CCDC62: variants seen among roughly 807,000 people sequenced by gnomAD.
CCDC62 encodes coiled-coil domain-containing protein 62.
In CCDC62, 72 loss-of-function variants were observed where a neutral mutation model predicts 80.8. That is an observed-to-expected ratio of 0.89 (90% CI 0.74 to 1.08). The LOEUF is 1.08. CCDC62 is among the 50% of genes least tolerant of loss of function. The probability of loss-of-function intolerance (pLI) is 0.00; values close to 1 mark genes in which losing one functional copy is unlikely to be tolerated. For synonymous variants in CCDC62, 286 were observed against 296.5 expected, an observed-to-expected ratio of 0.96 and a Z score of 0.36; for missense variants, 704 against 809.4, an observed-to-expected ratio of 0.87 and a Z score of 1.58.
chr12:122,799,296 TCATC>T (rs1041631269), intron 8 of CCDC62, among the ~76,000 whole-genome samples: 3 of 152,104 alleles, frequency 2.0e-5, no homozygotes, highest in Non-Finnish European at 2.9e-5. Flanking sequence ...AATCATTCAT[TCATC>T]CATCCATCCA....
At chr12:122,814,793 C>A (rs902651481) in intron 11 of CCDC62, among the ~76,000 whole-genome samples, 18 of 151,818 alleles carry the variant, frequency 1.2e-4, no homozygotes, top group Admixed American at 4.6e-4. Flanking sequence ...CAAGCATGAG[C>A]CACCCTGCCC....
chr12:122,813,952 C>T (rs1418157726), intron 11 of CCDC62, among the ~76,000 whole-genome samples: 2 of 151,866 alleles, frequency 1.3e-5, no homozygotes, highest in African/African-American at 4.8e-5. Context: ...CCACCACGGC[C>T]AGCTGGAAAT....
At chr12:122,777,455 A>T (rs377463901) in intron 1 of CCDC62, 36 bp from the exon 2 acceptor site, 1 of 1,552,358 alleles carries the variant, frequency 6.4e-7, no homozygotes, top group African/African-American at 1.4e-5. Flanking sequence ...TATTGATTTC[A>T]TTCTATTTTG....
At chr12:122,802,604 G>A (rs2031376214) in intron 9 of CCDC62, among the ~76,000 whole-genome samples, 1 of 151,822 alleles carries the variant, frequency 6.6e-6, no homozygotes, top group Admixed American at 6.6e-5. Context: ...TGTAAAGATG[G>A]GGTCTCACCA....
intron 1 of CCDC62, 23 bp from the exon 2 acceptor site, chr12:122,777,468 G>A (rs747938979): frequency 1.9e-6 from 3 of 1,581,700 alleles, no homozygotes; most frequent in East Asian, 4.5e-5. Context: ...CTATTTTGAT[G>A]TGAAACCGCT....
intron 2 of CCDC62, 66 bp downstream of exon 2, chr12:122,777,749 G>A: frequency 6.9e-7 from 1 of 1,445,546 alleles, no homozygotes; most frequent in Non-Finnish European, 9.6e-7. Flanking sequence ...TGGGCTCATA[G>A]GGAAGATAGA....
intron 11 of CCDC62, among the ~76,000 whole-genome samples, chr12:122,818,464 A>G (rs2032261286): frequency 6.6e-6 from 1 of 150,658 alleles, no homozygotes; most frequent in Admixed American, 6.6e-5. Flanking sequence ...AAAAAAAAAA[A>G]AAAAAAAAAA....
At chr12:122,813,480 G>A in intron 11 of CCDC62, 61 bp downstream of exon 11, 1 of 1,493,174 alleles carries the variant, frequency 6.7e-7, no homozygotes, top group African/African-American at 1.4e-5. Context: ...CTGAACACCA[G>A]TGTGCAAATA....
At position 122,792,676 on chromosome 12, in the gene CCDC62, G is replaced by T. The variant is rs556286440; in HGVS notation, c.772+555G>T. Among the ~76,000 whole-genome samples the T allele has an allele frequency of 1.2e-3, 190 of 152,052 alleles. 2 individuals carry two copies. Among genetic ancestry groups the T allele is most frequent in the African/African-American group, 4.2e-3 (175 of 41,446 alleles). On this transcript the variant is annotated intron_variant, in intron 6 of 12. Coordinates refer to ENST00000253079, the MANE Select transcript of CCDC62 (RefSeq NM_201435.5). Reference sequence around the variant, plus strand: ...TGGGATTACAGGCGCATGCTACCATGCCCGGCTAATTTTTATATTTTTAGT... The same window carrying T: ...TGGGATTACAGGCGCATGCTACCATTCCCGGCTAATTTTTATATTTTTAGT...
chr12:122,794,855 G>T (rs533555811), intron 6 of CCDC62, among the ~76,000 whole-genome samples: 1 of 151,904 alleles, frequency 6.6e-6, no homozygotes, highest in Non-Finnish European at 1.5e-5. Context: ...TTTAGTAGAG[G>T]CAGGGTCTCG....
chr12:122,793,709 C>T (rs1358609531), intron 6 of CCDC62, among the ~76,000 whole-genome samples: 1 of 152,058 alleles, frequency 6.6e-6, no homozygotes, highest in East Asian at 1.9e-4. Context: ...CTTGCCTCGG[C>T]CTCTCAAAAT....
In CCDC62 at chr12:122,786,047, A is replaced by G. The variant is rs1013812732; in HGVS notation, c.498+227A>G. On this transcript the variant is annotated intron_variant, in intron 4 of 12. Transcript: ENST00000253079. The stretch of plus-strand genomic sequence containing the variant: ...TTCTGGTCTTCTGTCTCCAAGGCCC[A>G]TTCTGTGGGCTGGCAGGTCTGAATT... 3.9e-5 allele frequency among the ~76,000 whole-genome samples: 6 copies of G among 152,232 alleles called. No homozygotes were observed. In the East Asian group the frequency reaches 1.2e-3, roughly 29 times the overall value.
In CCDC62 at chr12:122,801,844, C is replaced by G; in HGVS notation, c.1698C>G (p.Ser566=). ...GCATCTGTGGCACACAACATGACTC[C>G]CCGGCAAGGTGAGTAACGTTCACAT... ...SESICGTQHD[S]PASELIAIQD... Residue 566 remains serine (S), a synonymous_variant, in exon 9 of 13, where the codon TCC becomes TCG. Coordinates refer to ENST00000253079, the MANE Select transcript of CCDC62 (RefSeq NM_201435.5). 1.2e-6 allele frequency: 2 copies of G among 1,613,260 alleles called. No homozygotes were observed. The highest frequency in any genetic ancestry group is 1.1e-5 in the South Asian group (1 of 91,036).
chr12:122,778,179 C>G (rs1208635661), intron 2 of CCDC62, among the ~76,000 whole-genome samples: 1 of 151,662 alleles, frequency 6.6e-6, no homozygotes, highest in Non-Finnish European at 1.5e-5. Flanking sequence ...ATGGTGAAAC[C>G]CCATTTCTAC....
Position 122,781,300 on chromosome 12 carries a change from G to A in CCDC62, c.366G>A (p.Thr122=), listed in dbSNP as rs145920110. The change falls in exon 3 of 13, where the codon ACG becomes ACA. Residue 122 remains threonine (T), a synonymous_variant. Transcript: ENST00000253079. ...LQLQEMAQKA[T]HSSLLSEDLE... is the part of the protein sequence containing the mutation. Reference sequence around the variant, plus strand: ...TTCAGGAAATGGCTCAAAAGGCAACGCATTCTTCTCTTCTCTCTGAAGACC... The same window carrying A: ...TTCAGGAAATGGCTCAAAAGGCAACACATTCTTCTCTTCTCTCTGAAGACC... 59 of 1,613,978 alleles carry A rather than the reference G, an allele frequency of 3.7e-5. No homozygotes were observed. Among genetic ancestry groups the A allele is most frequent in the African/African-American group, 1.7e-4 (13 of 75,044 alleles).
At position 122,793,353 on chromosome 12, in the gene CCDC62, A is replaced by G. The variant is rs543461633; in HGVS notation, c.772+1232A>G. Among the ~76,000 whole-genome samples the G allele has an allele frequency of 3.9e-5, 6 of 152,232 alleles. No homozygotes were observed. The East Asian group carries it at 1.2e-3, about 29-fold the overall frequency. The stretch of plus-strand genomic sequence containing the variant: ...CCTCTAAATCAATGACTTTCCTAAC[A>G]CAAACCACTGAAAAGAAAGCCCAGT... On this transcript the variant is annotated intron_variant, in intron 6 of 12. Coordinates refer to ENST00000253079, the MANE Select transcript of CCDC62 (RefSeq NM_201435.5).
intron 1 of CCDC62, 97 bp downstream of exon 1, chr12:122,774,803 A>C: frequency 2.0e-6 from 2 of 1,004,980 alleles, no homozygotes; most frequent in African/African-American, 1.7e-5. Flanking sequence ...TTAAAATGTG[A>C]AACAGGCCGG....
intron 10 of CCDC62, among the ~76,000 whole-genome samples, chr12:122,809,361 G>A (rs1025643291): frequency 6.6e-6 from 1 of 152,034 alleles, no homozygotes; most frequent in Non-Finnish European, 1.5e-5. Flanking sequence ...GTTGTAGCTC[G>A]TGCCTGTGGT....
At chr12:122,790,693 CT>C (rs2030549595) in intron 5 of CCDC62, among the ~76,000 whole-genome samples, 2 of 152,084 alleles carry the variant, frequency 1.3e-5, no homozygotes. Context: ...TTTTATAGAG[CT>C]CAATCTCCAG....
Sources: gnomAD v4.1 joint callset for allele counts (sites outside exome capture counted in the v4.1 genomes callset) on GRCh38, gnomAD v4.1.1 for gene constraint, MANE v1.5 for transcripts, NCBI Gene and HGNC (gene_info 2026-07-23, HGNC 2026-07-21) for gene names.